The following THTPA variants were observed in gnomAD, a reference collection of about 807,000 sequenced individuals.
The protein encoded by THTPA is thiamine triphosphatase, also known as thiamine-triphosphatase.
Under a neutral mutation model 16.5 loss-of-function variants are expected in THTPA, and 16 were observed. The ratio of observed to expected loss-of-function variants is 0.97; its 90% CI spans 0.66 to 1.47. The LOEUF (loss-of-function observed/expected upper bound fraction) is 1.47, where lower values mean the gene tolerates loss of function less well. Among genes scored for constraint, THTPA ranks in the 40% most tolerant of loss-of-function variants. THTPA has a pLI of 0.00. For synonymous variants in THTPA, 110 were observed against 115.5 expected (o/e 0.95, Z 0.30); for missense variants, 281 against 280.9 (o/e 1.00, Z 0.00).
the THTPA span, among the ~76,000 whole-genome samples, chr14:23,515,540 A>G: frequency 6.6e-6 from 1 of 152,302 alleles, no homozygotes; most frequent in East Asian, 1.9e-4. Context: ...TAGGAGGAGA[A>G]TCCCCAGCAT....
Position 23,558,679 on chromosome 14 carries a change from G to C in THTPA, c.548-16G>C. ...GGCTCTGTCCATTTCTCTCCTCATT[G>C]TCCTTTTACCTGTAGGTGTGCCTGC... On this transcript the variant is annotated splice_polypyrimidine_tract_variant and intron_variant, in intron 1 of 1. Transcript: ENST00000288014. 1 of 1,614,112 alleles carries C rather than the reference G, an allele frequency of 6.2e-7. No homozygotes were observed. Among genetic ancestry groups the C allele is most frequent in the Non-Finnish European group, 8.5e-7 (1 of 1,179,992 alleles).
chr14:23,526,104 T>G, the THTPA span: 9 of 1,536,358 alleles, frequency 5.9e-6, no homozygotes, highest in Non-Finnish European at 7.8e-6. Context: ...GAATCAGTCT[T>G]GGTTCCCCGA....
chr14:23,512,321 G>T, the THTPA span, among the ~76,000 whole-genome samples: 1 of 151,822 alleles, frequency 6.6e-6, no homozygotes, highest in Non-Finnish European at 1.5e-5. Flanking sequence ...GCACGCACAC[G>T]TATACACACA....
the THTPA span, chr14:23,514,055 G>T: frequency 6.5e-6 from 1 of 152,706 alleles, no homozygotes. Flanking sequence ...GATGTGAGGT[G>T]GGTGGGTGCT....
At chr14:23,520,816 G>A in the THTPA span, 1 of 151,760 alleles carries the variant, frequency 6.6e-6, no homozygotes, top group Non-Finnish European at 1.5e-5. The surrounding 1 kb of genome is among the most constrained non-coding windows in gnomAD (Gnocchi z 8.7). Context: ...GGGTGGGACA[G>A]GGAGCAGGGA....
At chr14:23,520,919 T>A in the THTPA span, 1 of 152,030 alleles carries the variant, frequency 6.6e-6, no homozygotes, top group Non-Finnish European at 1.5e-5. The surrounding 1 kb of genome is among the most constrained non-coding windows in gnomAD (Gnocchi z 8.7). Flanking sequence ...TTTTCTTTAG[T>A]TCATTCCTCT....
chr14:23,526,256 G>C, the THTPA span: 1 of 1,536,254 alleles, frequency 6.5e-7, no homozygotes, highest in East Asian at 2.4e-5. Flanking sequence ...TCCCCGTGCA[G>C]GGGCAGAGGG....
chr14:23,526,260 C>A, the THTPA span: 2 of 1,536,200 alleles, frequency 1.3e-6, no homozygotes, highest in Admixed American at 3.9e-5. Flanking sequence ...CGTGCAGGGG[C>A]AGAGGGGTCA....
the THTPA span, among the ~76,000 whole-genome samples, chr14:23,512,582 G>A: frequency 6.7e-6 from 1 of 150,042 alleles, no homozygotes; most frequent in Non-Finnish European, 1.5e-5. Flanking sequence ...GGATTCATGG[G>A]CACCAGCTGA....
chr14:23,522,228 G>A, the THTPA span: 5 of 1,478,458 alleles, frequency 3.4e-6, no homozygotes, highest in East Asian at 9.9e-5. Flanking sequence ...AATGGGGGTG[G>A]CATGGAGCCC....
the THTPA span, chr14:23,533,802 G>A: frequency 1.9e-6 from 3 of 1,545,982 alleles, no homozygotes; most frequent in Non-Finnish European, 2.6e-6. The surrounding 1 kb of genome is among the most constrained non-coding windows in gnomAD (Gnocchi z 4.8). Flanking sequence ...CGTCACAGCG[G>A]TAGGGTTTGT....
chr14:23,559,799 C>T lies in THTPA; in HGVS notation c.*959C>T. 1 of 1,614,128 alleles carries T rather than the reference C, an allele frequency of 6.2e-7. No individual in the cohort carries two copies. On this transcript the variant is annotated 3_prime_UTR_variant, in exon 2 of 2. Transcript: ENST00000288014. ...TTGTTCACCTCAAAGATCTCCTGCA[C>T]CGACTGGTGAAAGTGGTCGTAGGTG...
chr14:23,535,313 T>A, the THTPA span: 1 of 1,461,248 alleles, frequency 6.8e-7, no homozygotes, highest in Non-Finnish European at 9.0e-7. This position sits in a 1 kb window ranked among gnomAD's most constrained non-coding sequence, Gnocchi z 4.5. Flanking sequence ...GAGGCTGAGT[T>A]AAGGGTGGCC....
the THTPA span, chr14:23,534,251 G>A: frequency 6.5e-7 from 1 of 1,527,252 alleles, no homozygotes; most frequent in Non-Finnish European, 8.8e-7. This position sits in a 1 kb window ranked among gnomAD's most constrained non-coding sequence, Gnocchi z 4.5. Context: ...TCTTTGGCTT[G>A]GGTTGGGCTG....
At chr14:23,522,290 G>C in the THTPA span, 4 of 1,506,092 alleles carry the variant, frequency 2.7e-6, no homozygotes, top group East Asian at 7.4e-5. Context: ...AGTAGCCGGG[G>C]CCTCCCCGTC....
the THTPA span, among the ~76,000 whole-genome samples, chr14:23,548,729 T>A: frequency 1.8e-4 from 28 of 152,214 alleles, no homozygotes; most frequent in African/African-American, 6.5e-4. Flanking sequence ...GTTCTCTCTC[T>A]CTCTGTCTCT....
the THTPA span, chr14:23,523,554 C>T: frequency 5.1e-5 from 78 of 1,537,290 alleles, no homozygotes; most frequent in South Asian, 7.1e-5. This position sits in a 1 kb window ranked among gnomAD's most constrained non-coding sequence, Gnocchi z 4.1. Flanking sequence ...GTGCTCCCAG[C>T]GGCTGTCCCC....
the THTPA span, among the ~76,000 whole-genome samples, chr14:23,518,369 G>A: frequency 6.6e-6 from 1 of 152,334 alleles, no homozygotes; most frequent in Non-Finnish European, 1.5e-5. This position sits in a 1 kb window ranked among gnomAD's most constrained non-coding sequence, Gnocchi z 4.5. Context: ...TGGAATAAAA[G>A]GCTTGCTTGG....
the THTPA span, chr14:23,524,999 T>C: frequency 1.2e-5 from 18 of 1,536,224 alleles, no homozygotes; most frequent in Non-Finnish European, 1.5e-5. The surrounding 1 kb of genome is among the most constrained non-coding windows in gnomAD (Gnocchi z 5.6). Context: ...GCGTGCTTTC[T>C]GGCGGGCATT....
Sources: gnomAD v4.1 joint callset for allele counts (sites outside exome capture counted in the v4.1 genomes callset) on GRCh38, gnomAD v4.1.1 for gene constraint, Gnocchi (gnomAD v3.1) non-coding constraint, MANE v1.5 for transcripts, NCBI Gene and HGNC (gene_info 2026-07-23, HGNC 2026-07-21) for gene names.